Variants in NAP1L4 observed in about 807,000 individuals in gnomAD.
The protein encoded by NAP1L4 is nucleosome assembly protein 1-like 4.
NAP1L4 carries 15 observed loss-of-function variants against 58.2 expected under a neutral mutation model. The observed-to-expected ratio is 0.26, with a 90% CI of 0.17 to 0.40. The LOEUF is 0.40. NAP1L4 is among the 10% of genes least tolerant of loss of function. NAP1L4 has a pLI of 1.00. For synonymous variants in NAP1L4, 171 were observed against 155.6 expected, an observed-to-expected ratio of 1.10 and a Z score of -0.74; for missense variants, 384 against 451.1, an observed-to-expected ratio of 0.85 and a Z score of 1.35.
At chr11:2,986,848 C>T (rs1053601159) in intron 1 of NAP1L4, among the ~76,000 whole-genome samples, 2 of 151,400 alleles carry the variant, frequency 1.3e-5, no homozygotes, top group Non-Finnish European at 2.9e-5. Flanking sequence ...GACTTGGTCT[C>T]GAACTCCCAA....
At chr11:2,984,014 C>G (rs948260535) in intron 1 of NAP1L4, among the ~76,000 whole-genome samples, 1 of 150,706 alleles carries the variant, frequency 6.6e-6, no homozygotes, top group Non-Finnish European at 1.5e-5. Context: ...AAAAATGAGG[C>G]TGGACACAGT....
chr11:2,990,965 T>C (rs1301628033), intron 1 of NAP1L4: 1 of 368,212 alleles, frequency 2.7e-6, no homozygotes, highest in Non-Finnish European at 5.6e-6. Context: ...TAAGAGAATT[T>C]TTAAAAGTCT....
At chr11:2,967,560 A>G (rs527338233) in intron 7 of NAP1L4, among the ~76,000 whole-genome samples, 4 of 151,822 alleles carry the variant, frequency 2.6e-5, no homozygotes, top group East Asian at 3.9e-4. Context: ...ACAGTGAGCC[A>G]AGATCACGCC....
chr11:2,955,747 T>A lies in NAP1L4; in HGVS notation c.912A>T (p.Ser304=), dbSNP rs376796854. The change falls in exon 11 of 16, where the codon TCA becomes TCT. Residue 304 remains serine, a synonymous_variant. Transcript: ENST00000380542. The surrounding 1 kb of genome is among the most constrained non-coding windows in gnomAD (Gnocchi z 4.2). ...GACTATTAACAACAAATCTTACCAG[T>A]GATTCTCCATCCCCGGATGCTAGAA... The part of the protein sequence containing the change: ...NPLKASGDGE[S]LDEDSEFTLA... 3.1e-5 allele frequency: 50 copies of A among 1,612,392 alleles called. No homozygotes were observed. Among genetic ancestry groups the A allele is most frequent in the Non-Finnish European group, 3.7e-5 (44 of 1,179,012 alleles).
chr11:2,970,034 T>C, intron 6 of NAP1L4, 100 bp from the exon 7 acceptor site: 1 of 1,250,236 alleles, frequency 8.0e-7, no homozygotes, highest in Non-Finnish European at 1.1e-6. Context: ...CTATCTCCCA[T>C]CAAACACCTT....
At position 2,955,276 on chromosome 11, in the gene NAP1L4, A is replaced by C. The variant is rs1846465860; in HGVS notation, c.915+468T>G. ...CGGTGGTGCAATCTCAGCTCACTGC[A>C]ACCTCCTCCTCTCGGGTTCAAGTGA... On this transcript the variant is annotated intron_variant, in intron 11 of 15. Coordinates refer to ENST00000380542, the MANE Select transcript of NAP1L4 (RefSeq NM_005969.4). The surrounding 1 kb of genome is among the most constrained non-coding windows in gnomAD (Gnocchi z 4.2). Among the ~76,000 whole-genome samples, 1 of 152,052 alleles carries C rather than the reference A, an allele frequency of 6.6e-6. No homozygotes were observed. The highest frequency in any genetic ancestry group is 1.5e-5 in the Non-Finnish European group (1 of 68,010).
chr11:2,944,953 C>T lies in NAP1L4; in HGVS notation c.*726G>A, dbSNP rs745440844. On this transcript the variant is annotated 3_prime_UTR_variant, in exon 16 of 16. Transcript: ENST00000380542. ...TTAAGGACGAGCCACAGCGAAAAGC[C>T]GCAGTCCTCACAGGCAAGAAGGGAT... 3 of 152,164 alleles carry T rather than the reference C, an allele frequency of 2.0e-5. No homozygotes were observed. Among genetic ancestry groups the T allele is most frequent in the Non-Finnish European group, 4.4e-5 (3 of 68,048 alleles). The allele number at this position is 152,164 out of a possible 1,614,324, so 9.4% of individuals were successfully genotyped here. A position where few individuals can be genotyped will look rare whatever the true frequency, so the allele number is the denominator to read the frequency against.
At chr11:2,967,280 C>T (rs777991604) in intron 7 of NAP1L4, among the ~76,000 whole-genome samples, 3 of 152,098 alleles carry the variant, frequency 2.0e-5, no homozygotes, top group Non-Finnish European at 4.4e-5. Context: ...AATGAAAGGG[C>T]TTCTCTCAGA....
At position 2,948,285 on chromosome 11, in the gene NAP1L4, G is replaced by A. The variant is rs746305941; in HGVS notation, c.*32+942C>T. Reference sequence around the variant, plus strand: ...ATGAGGAAGACAGGGAGGCGGTGGCGCTAAGACCTCAAGGACGTCTGGTCT... The same window carrying A: ...ATGAGGAAGACAGGGAGGCGGTGGCACTAAGACCTCAAGGACGTCTGGTCT... On this transcript the variant is annotated intron_variant, in intron 15 of 15. Transcript: ENST00000380542. This position sits in a 1 kb window ranked among gnomAD's most constrained non-coding sequence, Gnocchi z 5.1. 2.6e-5 allele frequency among the ~76,000 whole-genome samples: 4 copies of A among 152,146 alleles called. No homozygotes were observed. The highest frequency in any genetic ancestry group is 7.2e-5 in the African/African-American group (3 of 41,420).
chr11:2,950,957 T>C (rs1347784478), intron 14 of NAP1L4: 2 of 319,560 alleles, frequency 6.3e-6, no homozygotes, highest in Non-Finnish European at 1.1e-5. Flanking sequence ...GTCAGTTAAA[T>C]CATTACCTTA....
intron 4 of NAP1L4, among the ~76,000 whole-genome samples, chr11:2,973,024 C>T (rs1847740304): frequency 6.6e-6 from 1 of 152,042 alleles, no homozygotes; most frequent in South Asian, 2.1e-4. Context: ...CTGGAGTGTC[C>T]GTCGATAGAT....
intron 14 of NAP1L4, chr11:2,950,994 G>C (rs547488096): frequency 4.4e-4 from 170 of 387,820 alleles, no homozygotes; most frequent in African/African-American, 3.3e-3. Context: ...CACTTGGAAA[G>C]TCAAGTTGCT....
At chr11:2,978,037 T>C (rs190968727) in intron 3 of NAP1L4, among the ~76,000 whole-genome samples, 4 of 152,256 alleles carry the variant, frequency 2.6e-5, no homozygotes, top group East Asian at 1.9e-4. Context: ...TGTTAATCAA[T>C]ACTAAAGCTC....
At chr11:2,952,367 C>G (rs148164632) in intron 12 of NAP1L4, 1 of 153,494 alleles carries the variant, frequency 6.5e-6, no homozygotes, top group Non-Finnish European at 1.5e-5. Context: ...ATCAGTTTCT[C>G]CTACATCCAA....
intron 8 of NAP1L4, among the ~76,000 whole-genome samples, chr11:2,963,529 G>A (rs976674728): frequency 6.6e-5 from 10 of 152,192 alleles, no homozygotes; most frequent in Admixed American, 5.2e-4. Context: ...CTTCCATAGT[G>A]GAAAACAGAC....
In NAP1L4 at chr11:2,971,992, G is replaced by A; in HGVS notation, c.315+110C>T. 8.7e-7 allele frequency: 1 copy of A among 1,155,642 alleles called. No individual in the cohort carries two copies. The highest frequency in any genetic ancestry group is 1.2e-6 in the Non-Finnish European group (1 of 848,022). The allele number at this position is 1,155,642 out of a possible 1,614,324, so 71.6% of individuals were successfully genotyped here. ...GTCTAGACTAAGCTATGTTTGGCAGGTTAGATGCGTTCTTACCCTAGATGT... is the reference window on the plus strand; with the variant it reads ...GTCTAGACTAAGCTATGTTTGGCAGATTAGATGCGTTCTTACCCTAGATGT... On this transcript the variant is annotated intron_variant, in intron 5 of 15. Coordinates refer to ENST00000380542, the MANE Select transcript of NAP1L4 (RefSeq NM_005969.4). This position sits in a 1 kb window ranked among gnomAD's most constrained non-coding sequence, Gnocchi z 4.2.
Position 2,951,631 on chromosome 11 carries a change from C to G in NAP1L4, c.1065+149G>C, listed in dbSNP as rs1846232231. 1 of 768,810 alleles carries G rather than the reference C, an allele frequency of 1.3e-6. No homozygotes were observed. Among genetic ancestry groups the G allele is most frequent in the African/African-American group, 1.7e-5 (1 of 57,536 alleles). The allele number at this position is 768,810 out of a possible 1,614,324, so 47.6% of individuals were successfully genotyped here. ...TCACAGCATTTGCTATGCATTTCTG[C>G]TTAGTGTTTTAAGAACATTCTTAGA... On this transcript the variant is annotated intron_variant, in intron 13 of 15. Transcript: ENST00000380542. The surrounding 1 kb of genome is among the most constrained non-coding windows in gnomAD (Gnocchi z 4.0).
chr11:2,971,989 C>G lies in NAP1L4; in HGVS notation c.315+113G>C. The G allele has an allele frequency of 9.0e-7, 1 of 1,106,250 alleles. No homozygotes were observed. Among genetic ancestry groups the G allele is most frequent in the Admixed American group, 3.0e-5 (1 of 33,088 alleles). The allele number at this position is 1,106,250 out of a possible 1,614,324, so 68.5% of individuals were successfully genotyped here. A position where few individuals can be genotyped will look rare whatever the true frequency, so the allele number is the denominator to read the frequency against. On this transcript the variant is annotated intron_variant, in intron 5 of 15. Transcript: ENST00000380542. The surrounding 1 kb of genome is among the most constrained non-coding windows in gnomAD (Gnocchi z 4.2). ...GTAGTCTAGACTAAGCTATGTTTGG[C>G]AGGTTAGATGCGTTCTTACCCTAGA... is the stretch of plus-strand genomic sequence containing the variant.
intron 12 of NAP1L4, chr11:2,952,301 A>T (rs1846275514): frequency 6.3e-6 from 1 of 159,872 alleles, no homozygotes; most frequent in Non-Finnish European, 1.4e-5. Context: ...TTTAATCTTT[A>T]AAGTGATCAA....
Sources: gnomAD v4.1 joint callset for allele counts (sites outside exome capture counted in the v4.1 genomes callset) on GRCh38, gnomAD v4.1.1 for gene constraint, Gnocchi (gnomAD v3.1) non-coding constraint, MANE v1.5 for transcripts, NCBI Gene and HGNC (gene_info 2026-07-23, HGNC 2026-07-21) for gene names.